Variants in ZNF701 observed in about 807,000 individuals in gnomAD.
ZNF701 encodes the protein zinc finger protein 701.
ZNF701 carries 6 observed loss-of-function variants against 7.1 expected under a neutral mutation model. The ratio of observed to expected loss-of-function variants is 0.84; its 90% CI spans 0.46 to 1.66. The LOEUF is 1.66. Among genes scored for constraint, ZNF701 ranks in the 40% most tolerant of loss-of-function variants. The pLI, the probability that ZNF701 is intolerant of heterozygous loss-of-function variation, is 0.01. For synonymous variants in ZNF701, 166 were observed against 188.2 expected (o/e 0.88, Z 0.97); for missense variants, 541 against 559.2 (o/e 0.97, Z 0.33).
chr19:52,571,577 C>G (rs959974093), intron 1 of ZNF701, among the ~76,000 whole-genome samples: 4 of 152,022 alleles, frequency 2.6e-5, no homozygotes, highest in Non-Finnish European at 4.4e-5. Context: ...CCAGGCTGGT[C>G]TCGAACTCCT....
chr19:52,575,465 A>G (rs1169937660), intron 2 of ZNF701, among the ~76,000 whole-genome samples: 2 of 152,098 alleles, frequency 1.3e-5, no homozygotes, highest in East Asian at 3.9e-4. Context: ...AACATATACA[A>G]AATAGAATTT....
chr19:52,578,086 C>G (rs2059947602), intron 3 of ZNF701, among the ~76,000 whole-genome samples: 1 of 151,646 alleles, frequency 6.6e-6, no homozygotes, highest in Non-Finnish European at 1.5e-5. Context: ...AACCCCGTCT[C>G]TACTAAAAAT....
chr19:52,572,226 T>C, intron 1 of ZNF701: 1 of 354,720 alleles, frequency 2.8e-6, no homozygotes, highest in South Asian at 2.1e-5. Context: ...AGATAATTTT[T>C]GTATTTTTAG....
rs568327942 is a variant in ZNF701, at chr19:52,579,007, A to G, written c.142+2986A>G. On this transcript the variant is annotated intron_variant, in intron 3 of 3. Coordinates refer to ENST00000391785, the MANE Select transcript of ZNF701 (RefSeq NM_018260.3). ...GTGATCCACCCGCCTTAGCCTCCCAATGTGCTGGGATTACAGACGTGAGCC... is the reference window on the plus strand; with the variant it reads ...GTGATCCACCCGCCTTAGCCTCCCAGTGTGCTGGGATTACAGACGTGAGCC... 7.4e-5 allele frequency among the ~76,000 whole-genome samples: 11 copies of G among 148,136 alleles called. No individual in the cohort carries two copies. The East Asian group carries it at 9.9e-4, about 13-fold the overall frequency.
chr19:52,593,778 G>A, the ZNF701 span, among the ~76,000 whole-genome samples: 2 of 112,114 alleles, frequency 1.8e-5, 1 homozygote, highest in Non-Finnish European at 3.8e-5. Flanking sequence ...GGGCAGAGGT[G>A]CTCCCCACAT....
chr19:52,577,563 A>G (rs2059943127), intron 3 of ZNF701, among the ~76,000 whole-genome samples: 1 of 151,268 alleles, frequency 6.6e-6, no homozygotes, highest in African/African-American at 2.4e-5. Context: ...ACTGGCAGGT[A>G]TAGGGTGAGG....
intron 1 of ZNF701, chr19:52,572,984 C>T (rs1452331088): frequency 7.1e-6 from 2 of 281,342 alleles, no homozygotes; most frequent in Admixed American, 9.6e-5. Flanking sequence ...CATGCCCTCC[C>T]ACCCCCAACT....
downstream of ZNF701, among the ~76,000 whole-genome samples, chr19:52,587,869 C>A (rs1202103522): frequency 1.3e-5 from 2 of 152,174 alleles, no homozygotes. Flanking sequence ...CAGCATTGAA[C>A]ATCAAGGCAG....
At position 52,582,435 on chromosome 19, in the gene ZNF701, C is replaced by T; in HGVS notation, c.376C>T (p.His126Tyr). The change falls in exon 4 of 4, where the codon CAT (histidine) becomes TAT (tyrosine). Residue 126 changes from histidine (H) to tyrosine (Y), a missense_variant. By Grantham distance (83) the His-to-Tyr change is moderately conservative. Transcript: ENST00000391785. ...TKKLMSSTER[H>Y]DQRHAGNKPI... ...AAAGTTGATGAGTAGTACAGAGCGA[C>T]ATGATCAAAGGCATGCTGGAAACAA... The T allele has an allele frequency of 6.2e-7, 1 of 1,614,136 alleles. No homozygotes were observed.
At chr19:52,588,780 A>G (rs1017816860), downstream of ZNF701, among the ~76,000 whole-genome samples, 1 of 151,980 alleles carries the variant, frequency 6.6e-6, no homozygotes, top group African/African-American at 2.4e-5. Flanking sequence ...ATCTGCCTCT[A>G]TTGCCCAGGC....
intron 3 of ZNF701, 63 bp from the exon 4 acceptor site, chr19:52,582,139 A>T: frequency 7.4e-7 from 1 of 1,358,396 alleles, no homozygotes; most frequent in African/African-American, 1.5e-5. Flanking sequence ...TAATATTTAC[A>T]CATTTCAGTA....
chr19:52,571,457 G>A (rs1286314212), intron 1 of ZNF701, among the ~76,000 whole-genome samples: 1 of 152,118 alleles, frequency 6.6e-6, no homozygotes, highest in Non-Finnish European at 1.5e-5. Context: ...TGGAGATTGA[G>A]GACGATCGAA....
At chr19:52,592,120 G>T, downstream of ZNF701, 1 of 1,252,058 alleles carries the variant, frequency 8.0e-7, no homozygotes, top group South Asian at 1.2e-5. Context: ...GACTTTCAGG[G>T]ATGTGGCTAT....
intron 2 of ZNF701, among the ~76,000 whole-genome samples, chr19:52,575,487 TA>T (rs1166366989): frequency 3.3e-5 from 5 of 152,138 alleles, no homozygotes; most frequent in African/African-American, 1.2e-4. Context: ...GTACTTCGAT[TA>T]ATTTTATTTT....
the ZNF701 span, among the ~76,000 whole-genome samples, chr19:52,595,206 C>T: frequency 2.6e-5 from 4 of 151,472 alleles, no homozygotes; most frequent in Non-Finnish European, 5.9e-5. Context: ...ACTTTTGGGA[C>T]GTTTAAAATA....
chr19:52,574,092 A>G lies in ZNF701; in HGVS notation c.-56A>G. The G allele has an allele frequency of 6.2e-7, 1 of 1,612,218 alleles. No individual in the cohort carries two copies. The highest frequency in any genetic ancestry group is 1.7e-5 in the Admixed American group (1 of 59,966). ...TAACATTCAGGATTGACTTCTAAAG[A>G]CTTGGTACGTGAGGAAAAAACACGG... On this transcript the variant is annotated 5_prime_UTR_variant, in exon 2 of 4. Transcript: ENST00000391785.
chr19:52,575,435 G>A (rs561889358), intron 2 of ZNF701, among the ~76,000 whole-genome samples: 2 of 143,792 alleles, frequency 1.4e-5, no homozygotes, highest in Admixed American at 6.8e-5. Flanking sequence ...GTGAGTGTGT[G>A]TAGGTTTTAT....
intron 3 of ZNF701, among the ~76,000 whole-genome samples, chr19:52,581,998 A>C (rs2059978397): frequency 6.6e-6 from 1 of 152,214 alleles, no homozygotes; most frequent in African/African-American, 2.4e-5. Flanking sequence ...TGATATTGGA[A>C]ATAGGCTTCC....
At chr19:52,594,807 C>G in the ZNF701 span, among the ~76,000 whole-genome samples, 1 of 152,198 alleles carries the variant, frequency 6.6e-6, no homozygotes, top group Non-Finnish European at 1.5e-5. Context: ...GCCACCGCAC[C>G]TGGCCCGTTC....
Sources: gnomAD v4.1 joint callset for allele counts (sites outside exome capture counted in the v4.1 genomes callset) on GRCh38, gnomAD v4.1.1 for gene constraint, MANE v1.5 for transcripts, NCBI Gene and HGNC (gene_info 2026-07-23, HGNC 2026-07-21) for gene names.